The following CNTN4 variants were observed in gnomAD, a reference collection of about 807,000 sequenced individuals.
The protein encoded by CNTN4 is contactin 4.
In CNTN4, 77 loss-of-function variants were observed where a neutral mutation model predicts 122.5. That is an observed-to-expected ratio of 0.63 (90% CI 0.52 to 0.76). CNTN4 has a LOEUF of 0.76. CNTN4 is among the 30% of genes least tolerant of loss of function. The pLI, the probability that CNTN4 is intolerant of heterozygous loss-of-function variation, is 0.00. For missense variants in CNTN4, 1,256 were observed against 1,259.1 expected (o/e 1.00, Z 0.04); for synonymous variants, 512 against 447.0 (o/e 1.15, Z -1.83).
At chr3:2,380,460 A>G (rs1257722630) in intron 3 of CNTN4, among the ~76,000 whole-genome samples, 1 of 152,246 alleles carries the variant, frequency 6.6e-6, no homozygotes, top group East Asian at 1.9e-4. Context: ...ATAGCTATGC[A>G]GAACAGGTGA....
At chr3:2,659,786 G>A (rs2083786759) in intron 4 of CNTN4, among the ~76,000 whole-genome samples, 1 of 152,066 alleles carries the variant, frequency 6.6e-6, no homozygotes, top group Admixed American at 6.6e-5. Context: ...TTGTTTGATT[G>A]TTTTCTTTTG....
At chr3:2,195,874 A>G (rs1212848761) in intron 2 of CNTN4, among the ~76,000 whole-genome samples, 1 of 152,252 alleles carries the variant, frequency 6.6e-6, no homozygotes, top group East Asian at 1.9e-4. Context: ...AGATGGAATT[A>G]CATTCTTGGC....
intron 3 of CNTN4, among the ~76,000 whole-genome samples, chr3:2,519,840 C>G (rs1051470891): frequency 1.3e-5 from 2 of 152,154 alleles, no homozygotes; most frequent in African/African-American, 4.8e-5. Context: ...TTATTTGAGG[C>G]ATCTCTCATT....
At chr3:2,409,017 G>C (rs939081744) in intron 3 of CNTN4, among the ~76,000 whole-genome samples, 1 of 152,064 alleles carries the variant, frequency 6.6e-6, no homozygotes, top group Non-Finnish European at 1.5e-5. Flanking sequence ...GTCAGATTAG[G>C]ATTGTGTCTT....
At chr3:2,996,508 A>T (rs780700947) in intron 14 of CNTN4, among the ~76,000 whole-genome samples, 1 of 152,156 alleles carries the variant, frequency 6.6e-6, no homozygotes, top group Admixed American at 6.6e-5. Context: ...TGAATTAATG[A>T]ATTCTTTTGT....
chr3:2,820,850 G>A (rs1261551794), intron 7 of CNTN4, among the ~76,000 whole-genome samples: 1 of 151,124 alleles, frequency 6.6e-6, no homozygotes, highest in African/African-American at 2.4e-5. Context: ...TCACTTTGTG[G>A]AGACTCATAG....
intron 4 of CNTN4, among the ~76,000 whole-genome samples, chr3:2,664,229 G>T (rs1042847055): frequency 5.3e-5 from 8 of 152,146 alleles, no homozygotes; most frequent in African/African-American, 1.7e-4. Context: ...AACCAGTGAA[G>T]TTTGGGGTAA....
At chr3:2,559,890 C>A (rs1232800107) in intron 3 of CNTN4, among the ~76,000 whole-genome samples, 1 of 152,140 alleles carries the variant, frequency 6.6e-6, no homozygotes, top group Admixed American at 6.5e-5. Flanking sequence ...TCCATGATAG[C>A]AGGACTGAAC....
intron 3 of CNTN4, among the ~76,000 whole-genome samples, chr3:2,344,694 C>T (rs1384661450): frequency 1.3e-5 from 2 of 152,144 alleles, no homozygotes; most frequent in Admixed American, 1.3e-4. Flanking sequence ...TCTCATATTT[C>T]TCAAAATGTA....
chr3:2,377,126 A>T (rs1468047617), intron 3 of CNTN4, among the ~76,000 whole-genome samples: 1 of 150,238 alleles, frequency 6.7e-6, no homozygotes, highest in Admixed American at 6.7e-5. Context: ...ACTGCACTGC[A>T]GCCTGGCGAT....
chr3:2,289,407 A>G (rs957465396), intron 2 of CNTN4, among the ~76,000 whole-genome samples: 1 of 152,246 alleles, frequency 6.6e-6, no homozygotes, highest in African/African-American at 2.4e-5. Flanking sequence ...TGAAATGGCG[A>G]TAATAATAGT....
intron 6 of CNTN4, among the ~76,000 whole-genome samples, chr3:2,747,359 A>T (rs2089840725): frequency 6.6e-6 from 1 of 151,758 alleles, no homozygotes; most frequent in African/African-American, 2.4e-5. Flanking sequence ...CAGTGAGCCG[A>T]GATGGCGCCA....
At chr3:2,176,998 A>C (rs1225288272) in intron 2 of CNTN4, among the ~76,000 whole-genome samples, 1 of 152,190 alleles carries the variant, frequency 6.6e-6, no homozygotes, top group Admixed American at 6.5e-5. Context: ...AGAAATATAA[A>C]GGTAAAAAAA....
At chr3:3,008,921 G>A in intron 14 of CNTN4, 1 of 984,294 alleles carries the variant, frequency 1.0e-6, no homozygotes, top group Non-Finnish European at 1.2e-6. Context: ...CTAATAAGCT[G>A]TGAGATTCCA....
intron 3 of CNTN4, among the ~76,000 whole-genome samples, chr3:2,470,986 G>A (rs1468594163): frequency 2.0e-5 from 3 of 152,174 alleles, no homozygotes; most frequent in African/African-American, 7.2e-5. Context: ...ACATGTTCAT[G>A]AAAAATTAAC....
At chr3:2,780,604 A>G (rs2091530954) in intron 6 of CNTN4, among the ~76,000 whole-genome samples, 2 of 152,170 alleles carry the variant, frequency 1.3e-5, no homozygotes, top group Non-Finnish European at 2.9e-5. Context: ...TTGTTCTTCT[A>G]CTACTTTGAT....
chr3:2,129,468 A>G (rs759752641), intron 2 of CNTN4, among the ~76,000 whole-genome samples: 1 of 151,238 alleles, frequency 6.6e-6, no homozygotes, highest in African/African-American at 2.4e-5. Flanking sequence ...GAAATAATCA[A>G]GTGTTGATGG....
At chr3:2,377,370 G>C (rs2150727387) in intron 3 of CNTN4, among the ~76,000 whole-genome samples, 1 of 152,272 alleles carries the variant, frequency 6.6e-6, no homozygotes, top group Admixed American at 6.5e-5. Context: ...TAGAATGACT[G>C]GCCATGCCTG....
At chr3:2,829,461 G>C (rs569018627) in intron 7 of CNTN4, among the ~76,000 whole-genome samples, 1 of 152,306 alleles carries the variant, frequency 6.6e-6, no homozygotes, top group South Asian at 2.1e-4. Context: ...CTCAAAGAAA[G>C]AATCAGCAAA....
Sources: allele counts gnomAD v4.1 joint callset (sites outside exome capture counted in the v4.1 genomes callset), GRCh38; gene constraint gnomAD v4.1.1; transcripts MANE v1.5; gene names NCBI Gene and HGNC (gene_info 2026-07-23, HGNC 2026-07-21).